Variants in MTMR8 observed in about 807,000 individuals in gnomAD.
The protein encoded by MTMR8 is phosphatidylinositol-3,5-bisphosphate 3-phosphatase MTMR8.
A neutral mutation model predicts 39.3 loss-of-function variants in MTMR8; 65 were observed. The observed-to-expected ratio is 1.65, with a 90% CI of 1.35 to 2.03. MTMR8 has a LOEUF of 2.03. Among genes scored for constraint, MTMR8 ranks in the 30% most tolerant of loss-of-function variants. The probability of loss-of-function intolerance (pLI) is 0.00; values close to 1 mark genes in which losing one functional copy is unlikely to be tolerated. For missense variants in MTMR8, 777 were observed against 538.9 expected (o/e 1.44, Z -4.37); for synonymous variants, 245 against 185.2 (o/e 1.32, Z -2.62).
intron 12 of MTMR8, among the ~76,000 whole-genome samples, chrX:64,309,371 T>G (rs1922225264): frequency 8.9e-6 from 1 of 111,912 alleles, no homozygotes; most frequent in African/African-American, 3.2e-5. Flanking sequence ...ATGTAAATGG[T>G]ATTGTGTTTT....
chrX:64,300,717 G>A (rs1245810950), intron 12 of MTMR8, among the ~76,000 whole-genome samples: 2 of 104,554 alleles, frequency 1.9e-5, no homozygotes, highest in Admixed American at 2.1e-4. Flanking sequence ...GCTGGTACCG[G>A]TTGTTCCTTT....
At chrX:64,350,951 G>C (rs1337879964) in intron 4 of MTMR8, among the ~76,000 whole-genome samples, 1 of 110,573 alleles carries the variant, frequency 9.0e-6, no homozygotes, top group African/African-American at 3.3e-5. Context: ...AACTGAACAG[G>C]CAAAAATAAA....
At chrX:64,344,951 G>T in intron 7 of MTMR8, 94 bp downstream of exon 7, 1 of 982,299 alleles carries the variant, frequency 1.0e-6, no homozygotes, top group Non-Finnish European at 1.4e-6. Context: ...TCACCTGCTT[G>T]CTTTTATATT....
At chrX:64,333,669 G>T (rs769094961) in intron 10 of MTMR8, among the ~76,000 whole-genome samples, 1 of 111,360 alleles carries the variant, frequency 9.0e-6, no homozygotes, top group African/African-American at 3.3e-5. Context: ...CTACCCCCTT[G>T]AGAGCCAAGG....
At chrX:64,383,644 A>T (rs7061560) in intron 1 of MTMR8, among the ~76,000 whole-genome samples, 12,014 of 109,231 alleles carry the variant, frequency 0.11, 1,643 homozygotes, top group African/African-American at 0.37. Flanking sequence ...AAGAAGCCAC[A>T]CACTTTCAAA....
chrX:64,335,744 T>C (rs1489615933), intron 10 of MTMR8, among the ~76,000 whole-genome samples: 1 of 112,153 alleles, frequency 8.9e-6, no homozygotes, highest in African/African-American at 3.2e-5. Context: ...AAATTCATCC[T>C]CAAATGCTGT....
intron 11 of MTMR8, among the ~76,000 whole-genome samples, chrX:64,330,892 G>A (rs1459619804): frequency 1.8e-5 from 2 of 111,600 alleles, no homozygotes; most frequent in Admixed American, 1.9e-4. Context: ...ATTTTAATGT[G>A]AAATCTACTG....
At chrX:64,381,990 T>A (rs1378672867) in intron 1 of MTMR8, among the ~76,000 whole-genome samples, 4 of 111,891 alleles carry the variant, frequency 3.6e-5, no homozygotes, top group African/African-American at 1.3e-4. Context: ...AGTACCATGC[T>A]GTTTTGGTTA....
chrX:64,365,268 A>T (rs369941151), intron 1 of MTMR8, among the ~76,000 whole-genome samples: 4 of 110,849 alleles, frequency 3.6e-5, no homozygotes, highest in South Asian at 7.9e-4. Flanking sequence ...AACACAACAA[A>T]GATACTCCTC....
chrX:64,310,848 G>T lies in MTMR8; in HGVS notation c.1481+17924C>A, dbSNP rs1922274614. Among the ~76,000 whole-genome samples, 3 of 111,892 alleles carry T rather than the reference G, an allele frequency of 2.7e-5. No individual in the cohort carries two copies. The South Asian group carries it at 1.1e-3, about 42-fold the overall frequency. On this transcript the variant is annotated intron_variant, in intron 12 of 13. Coordinates refer to ENST00000374852, the MANE Select transcript of MTMR8 (RefSeq NM_017677.4). The stretch of plus-strand genomic sequence containing the variant: ...CATAAACTCATCCTTTATTATGGCT[G>T]CATAGTATTCCATGGTGTATATGTG...
intron 1 of MTMR8, among the ~76,000 whole-genome samples, chrX:64,377,387 C>T (rs1924298569): frequency 8.9e-6 from 1 of 112,507 alleles, no homozygotes; most frequent in Non-Finnish European, 1.9e-5. Flanking sequence ...AGGGCTGTAC[C>T]CTGCAGAGCC....
chrX:64,330,386 G>T (rs1922909964), intron 11 of MTMR8, among the ~76,000 whole-genome samples: 1 of 111,403 alleles, frequency 9.0e-6, no homozygotes, highest in Non-Finnish European at 1.9e-5. Flanking sequence ...GAAACAGAAA[G>T]ACTCATTATT....
intron 10 of MTMR8, among the ~76,000 whole-genome samples, chrX:64,332,886 T>C (rs1336131585): frequency 1.8e-5 from 2 of 111,593 alleles, no homozygotes; most frequent in African/African-American, 6.5e-5. Flanking sequence ...ACACCATATA[T>C]TATATTTCCA....
chrX:64,393,103 A>C (rs1020985221), intron 1 of MTMR8, among the ~76,000 whole-genome samples: 1 of 112,007 alleles, frequency 8.9e-6, no homozygotes, highest in African/African-American at 3.2e-5. Context: ...CATGCAGTAC[A>C]AATGGAGTCT....
rs776299183 is a variant in MTMR8 at position 64,354,773 on chromosome X, T to C, written c.468+4A>G. 22 of 1,169,438 alleles carry C rather than the reference T, an allele frequency of 1.9e-5. No homozygotes were observed. Among genetic ancestry groups the C allele is most frequent in the Non-Finnish European group, 2.5e-5 (22 of 876,382 alleles). On this transcript the variant is annotated splice_donor_region_variant and intron_variant, in intron 4 of 13. Coordinates refer to ENST00000374852, the MANE Select transcript of MTMR8 (RefSeq NM_017677.4). Reference sequence around the variant, plus strand: ...CAAAAGGCAAACAACAAGGACAAAATTACCTCATAGTTTCTGTTGGCATCT... The same window carrying C: ...CAAAAGGCAAACAACAAGGACAAAACTACCTCATAGTTTCTGTTGGCATCT...
intron 12 of MTMR8, chrX:64,305,807 G>A (rs999109253): frequency 2.8e-6 from 1 of 357,436 alleles, no homozygotes; most frequent in Non-Finnish European, 5.3e-6. Flanking sequence ...GTGGCTCTTT[G>A]TGGTGACATA....
At chrX:64,381,300 G>A (rs918613524) in intron 1 of MTMR8, among the ~76,000 whole-genome samples, 1 of 111,987 alleles carries the variant, frequency 8.9e-6, no homozygotes, top group Non-Finnish European at 1.9e-5. Flanking sequence ...ACTGGTATGA[G>A]GTGGTATCTC....
At chrX:64,379,010 G>T (rs777881076) in intron 1 of MTMR8, among the ~76,000 whole-genome samples, 1 of 111,792 alleles carries the variant, frequency 8.9e-6, no homozygotes, top group Non-Finnish European at 1.9e-5. Flanking sequence ...ATAACTGTAT[G>T]TCCACAAATT....
Position 64,337,423 on chromosome X carries a change from C to T in MTMR8, c.976-30G>A, listed in dbSNP as rs1209638539. The T allele has an allele frequency of 5.0e-6, 6 of 1,199,479 alleles. No homozygotes were observed. The Admixed American group carries it at 1.3e-4, about 27-fold the overall frequency. Reference sequence around the variant, plus strand: ...GAAGACAAGAGGCAAAAAAGTACCACAAGCAACCTTTGCACAGCTTGTTGG... The same window carrying T: ...GAAGACAAGAGGCAAAAAAGTACCATAAGCAACCTTTGCACAGCTTGTTGG... On this transcript the variant is annotated intron_variant, in intron 8 of 13. Coordinates refer to ENST00000374852, the MANE Select transcript of MTMR8 (RefSeq NM_017677.4).
Sources: gnomAD v4.1 joint callset for allele counts (sites outside exome capture counted in the v4.1 genomes callset) on GRCh38, gnomAD v4.1.1 for gene constraint, MANE v1.5 for transcripts, NCBI Gene and HGNC (gene_info 2026-07-23, HGNC 2026-07-21) for gene names.